CFAP92: variants seen among roughly 807,000 people sequenced by gnomAD.
The protein encoded by CFAP92 is cilia and flagella associated protein 92 (putative), also known as uncharacterized protein CFAP92.
A neutral mutation model predicts 106.3 loss-of-function variants in CFAP92; 86 were observed. That is an observed-to-expected ratio of 0.81 (90% confidence interval 0.68 to 0.97). The LOEUF (loss-of-function observed/expected upper bound fraction) is 0.97. CFAP92 is among the 50% of genes least tolerant of loss of function. CFAP92 has a pLI of 0.00. For missense variants in CFAP92, 1,204 were observed against 1,283.8 expected, an observed-to-expected ratio of 0.94 and a Z score of 0.95; for synonymous variants, 477 against 506.4, an observed-to-expected ratio of 0.94 and a Z score of 0.78.
chr3:129,019,569 G>GA, the CFAP92 span, among the ~76,000 whole-genome samples: 1 of 152,044 alleles, frequency 6.6e-6, no homozygotes, highest in Non-Finnish European at 1.5e-5. Context: ...ACAGTTCTGG[G>GA]AAAAATGACT....
At chr3:128,915,586 T>G (rs1294117390) in intron 13 of CFAP92, 23 bp from the exon 14 acceptor site, 21 of 1,462,096 alleles carry the variant, frequency 1.4e-5, no homozygotes, top group Non-Finnish European at 1.9e-5. Context: ...GCAGACAGGT[T>G]GGGGTGGAAG....
chr3:128,999,772 A>G (rs906834883), intron 1 of CFAP92, among the ~76,000 whole-genome samples: 6 of 151,664 alleles, frequency 4.0e-5, no homozygotes, highest in Non-Finnish European at 8.8e-5. Flanking sequence ...CGAACTCTTG[A>G]CCTCAGGCAA....
At chr3:128,986,685 T>G (rs1350892272) in intron 4 of CFAP92, among the ~76,000 whole-genome samples, 2 of 152,178 alleles carry the variant, frequency 1.3e-5, no homozygotes, top group Non-Finnish European at 2.9e-5. Context: ...CTGCCTCCAG[T>G]ATTCCAGTGA....
chr3:129,023,627 T>C, the CFAP92 span, among the ~76,000 whole-genome samples: 3 of 152,220 alleles, frequency 2.0e-5, no homozygotes, highest in African/African-American at 7.2e-5. Context: ...CCACCGCGCC[T>C]GGCCACCTCT....
chr3:128,998,748 GA>G (rs1944574784), upstream of CFAP92, among the ~76,000 whole-genome samples: 1 of 152,166 alleles, frequency 6.6e-6, no homozygotes, highest in South Asian at 2.1e-4. Context: ...TGTCTGCAAA[GA>G]AACCACAGCC....
intron 4 of CFAP92, 76 bp downstream of exon 4, chr3:128,987,540 G>C: frequency 7.8e-7 from 1 of 1,288,434 alleles, no homozygotes; most frequent in Admixed American, 1.9e-5. Context: ...AGGAAACCAG[G>C]AGACACTGGC....
At chr3:129,025,884 C>T in the CFAP92 span, among the ~76,000 whole-genome samples, 1 of 152,352 alleles carries the variant, frequency 6.6e-6, no homozygotes. Flanking sequence ...CTGCCTGTGA[C>T]CTGGAGTTAC....
intron 9 of CFAP92, among the ~76,000 whole-genome samples, chr3:128,952,368 T>C (rs948706596): frequency 2.0e-5 from 3 of 152,026 alleles, no homozygotes; most frequent in Non-Finnish European, 2.9e-5. Flanking sequence ...CTCAAGTGAT[T>C]CTCCAGCACC....
intron 1 of CFAP92, chr3:129,001,966 C>G: frequency 6.5e-7 from 1 of 1,544,280 alleles, no homozygotes; most frequent in Non-Finnish European, 8.7e-7. Context: ...CCCGGGGATG[C>G]GGCCGCTGAG....
chr3:128,943,005 C>T (rs1171208619), intron 10 of CFAP92, among the ~76,000 whole-genome samples: 4 of 150,732 alleles, frequency 2.7e-5, no homozygotes, highest in Non-Finnish European at 5.9e-5. Context: ...CTGCAACCTC[C>T]ACCTCCTGGG....
intron 12 of CFAP92, among the ~76,000 whole-genome samples, chr3:128,926,038 T>G (rs767198756): frequency 6.6e-6 from 1 of 152,210 alleles, no homozygotes; most frequent in Non-Finnish European, 1.5e-5. Flanking sequence ...TGGGAAAAGA[T>G]ACACATCTAA....
upstream of CFAP92, among the ~76,000 whole-genome samples, chr3:129,006,690 G>A (rs1394467101): frequency 6.6e-6 from 1 of 152,212 alleles, no homozygotes; most frequent in Admixed American, 6.5e-5. Flanking sequence ...ACCTAGTGAT[G>A]AGGAAATTGA....
rs572410880 is a variant in CFAP92, at chr3:128,921,805, C to T, written c.2752-5534G>A. ...GCCCCTCAACAAACCAAGGCATATC[C>T]GGCACAGCCAGTGCCCTTACAAACA... On this transcript the variant is annotated intron_variant, in intron 12 of 15. Coordinates refer to ENST00000645291, the MANE Select transcript of CFAP92 (RefSeq NM_001394090.1). 8.5e-5 allele frequency among the ~76,000 whole-genome samples: 13 copies of T among 152,226 alleles called. No homozygotes were observed. In the South Asian group the frequency reaches 1.2e-3, roughly 15 times the overall value.
intron 4 of CFAP92, among the ~76,000 whole-genome samples, chr3:128,985,265 C>G (rs1177071995): frequency 6.6e-6 from 1 of 152,096 alleles, no homozygotes; most frequent in Non-Finnish European, 1.5e-5. Flanking sequence ...TAGAGACCAG[C>G]TTGGGTAACA....
At chr3:129,026,591 C>CGGGA in the CFAP92 span, among the ~76,000 whole-genome samples, 3 of 152,178 alleles carry the variant, frequency 2.0e-5, no homozygotes, top group African/African-American at 7.2e-5. Context: ...TACCAACTCC[C>CGGGA]ATCTTTGCTG....
chr3:128,932,826 AT>A lies in CFAP92; in HGVS notation c.2624del (p.Asn875IlefsTer14). 1 of 1,536,122 alleles carries A rather than the reference AT, an allele frequency of 6.5e-7. No individual in the cohort carries two copies. Among genetic ancestry groups the A allele is most frequent in the African/African-American group, 1.4e-5 (1 of 73,136 alleles). ...AGTTCCGACTGTGGTAGTCCTCAAG[AT>A]TGGGGGCAGGCTGAGGTGGTAGGGC... ...LFALPPQPAP[N>X]LEDYHSRNST... On this transcript the variant is annotated frameshift_variant, in exon 12 of 16. Transcript: ENST00000645291. LOFTEE classifies it high-confidence loss of function.
Position 128,915,216 on chromosome 3 carries a change from C to A in CFAP92, c.3183G>T (p.Arg1061Ser). The change falls in exon 15 of 16, where the codon AGG (arginine) becomes AGT (serine). Residue 1061 changes from arginine (R) to serine (S), a missense_variant. Coordinates refer to ENST00000645291, the MANE Select transcript of CFAP92 (RefSeq NM_001394090.1). ...NVLEPVLDRD[R>S]WSWDRHHVDF... ...CCACGTGGTGCCTGTCCCAGCTCCA[C>A]CTGTCTCGATCCAACACAGGCTCCA... The A allele has an allele frequency of 2.0e-6, 3 of 1,536,166 alleles. No homozygotes were observed. The highest frequency in any genetic ancestry group is 2.6e-6 in the Non-Finnish European group (3 of 1,146,914).
At chr3:129,000,255 A>T (rs549798023) in intron 1 of CFAP92, among the ~76,000 whole-genome samples, 21 of 152,334 alleles carry the variant, frequency 1.4e-4, no homozygotes, top group African/African-American at 5.1e-4. Context: ...AACAAACCTA[A>T]AAGAATATGT....
At chr3:128,958,089 C>T (rs773771825) in intron 9 of CFAP92, among the ~76,000 whole-genome samples, 3 of 152,218 alleles carry the variant, frequency 2.0e-5, no homozygotes, top group Non-Finnish European at 4.4e-5. Flanking sequence ...TTCCCCCTTT[C>T]ATAAGGATAC....
Sources: allele counts gnomAD v4.1 joint callset (sites outside exome capture counted in the v4.1 genomes callset), GRCh38; gene constraint gnomAD v4.1.1; transcripts MANE v1.5; gene names NCBI Gene and HGNC (gene_info 2026-07-23, HGNC 2026-07-21).